The following PARN variants were observed in gnomAD, a reference collection of about 807,000 sequenced individuals.
PARN encodes the protein poly(A)-specific ribonuclease PARN.
PARN carries 71 observed loss-of-function variants against 102.8 expected under a neutral mutation model. The ratio of observed to expected loss-of-function variants is 0.69; its 90% confidence interval spans 0.57 to 0.84. The LOEUF (loss-of-function observed/expected upper bound fraction) is 0.84. PARN is among the 40% of genes least tolerant of loss of function. PARN has a pLI of 0.00. For missense variants in PARN, 782 were observed against 760.9 expected (o/e 1.03, Z -0.33); for synonymous variants, 261 against 252.9 (o/e 1.03, Z -0.30).
chr16:14,615,645 A>C (rs1971847019), intron 6 of PARN, among the ~76,000 whole-genome samples: 1 of 152,176 alleles, frequency 6.6e-6, no homozygotes, highest in Non-Finnish European at 1.5e-5. Context: ...TCATGCCTGT[A>C]ATCCCAGCAC....
chr16:14,519,991 G>C (rs990795864), intron 21 of PARN, among the ~76,000 whole-genome samples: 4 of 152,046 alleles, frequency 2.6e-5, no homozygotes, highest in Non-Finnish European at 5.9e-5. Context: ...CTTCCTGATG[G>C]AAGAACACAT....
Position 14,549,441 on chromosome 16 carries a change from G to C in PARN, c.1480+2580C>G, listed in dbSNP as rs151141939. ...TGCCCTCAGGAAACCAATGCAATGA[G>C]CAATCAGACAATAGAGTGCTTCTAT... On this transcript the variant is annotated intron_variant, in intron 21 of 23. Transcript: ENST00000437198. Among the ~76,000 whole-genome samples the C allele has an allele frequency of 1.1e-3, 165 of 152,280 alleles. 1 individual carries two copies. Among genetic ancestry groups the C allele is most frequent in the African/African-American group, 3.5e-3 (147 of 41,558 alleles).
intron 16 of PARN, among the ~76,000 whole-genome samples, chr16:14,584,080 T>C (rs960343019): frequency 1.3e-5 from 2 of 152,254 alleles, no homozygotes; most frequent in Admixed American, 6.5e-5. Context: ...GAGAATTCCA[T>C]ATTATTAGAA....
intron 11 of PARN, among the ~76,000 whole-genome samples, chr16:14,603,348 T>C (rs778512481): frequency 2.6e-5 from 4 of 152,162 alleles, no homozygotes; most frequent in East Asian, 1.9e-4. Context: ...AAGTGGGTCA[T>C]TGTGGTTAAG....
intron 22 of PARN, among the ~76,000 whole-genome samples, chr16:14,472,401 A>G (rs1378005938): frequency 6.6e-6 from 1 of 152,214 alleles, no homozygotes; most frequent in Non-Finnish European, 1.5e-5. Flanking sequence ...AGCTGAATTC[A>G]GAGGGAGGAA....
At chr16:14,519,406 AACAATAACCAACCCAGT>A (rs1965625948) in intron 21 of PARN, among the ~76,000 whole-genome samples, 1 of 151,670 alleles carries the variant, frequency 6.6e-6, no homozygotes, top group Admixed American at 6.6e-5. Context: ...AAAGCTCAGA[AACAATAACCAACCCAGT>A]ACAATGAGCA....
intron 22 of PARN, among the ~76,000 whole-genome samples, chr16:14,479,738 T>C (rs983355678): frequency 6.6e-6 from 1 of 151,968 alleles, no homozygotes; most frequent in Non-Finnish European, 1.5e-5. Context: ...TTGACAAAGG[T>C]AGTGAGTCAA....
intron 21 of PARN, among the ~76,000 whole-genome samples, chr16:14,516,547 A>C (rs564146537): frequency 6.6e-6 from 1 of 152,376 alleles, no homozygotes; most frequent in South Asian, 2.1e-4. Context: ...GAAGCATTTC[A>C]AGCCAAAATA....
chr16:14,449,193 T>G (rs554292632), intron 22 of PARN, among the ~76,000 whole-genome samples: 210 of 152,212 alleles, frequency 1.4e-3, no homozygotes, highest in South Asian at 9.8e-3. Flanking sequence ...AAATACTCTG[T>G]GAAATACAAA....
chr16:14,502,503 G>A (rs1376565160), intron 21 of PARN, among the ~76,000 whole-genome samples: 1 of 152,214 alleles, frequency 6.6e-6, no homozygotes, highest in African/African-American at 2.4e-5. Flanking sequence ...TATTCACAAG[G>A]AAGGGGCAGA....
chr16:14,532,789 C>A (rs1320587925), intron 21 of PARN, among the ~76,000 whole-genome samples: 1 of 150,048 alleles, frequency 6.7e-6, no homozygotes, highest in Non-Finnish European at 1.5e-5. Flanking sequence ...CTGGACGGGG[C>A]GGCTGGCCGG....
chr16:14,597,718 C>T (rs575728648), intron 12 of PARN, among the ~76,000 whole-genome samples: 1 of 152,046 alleles, frequency 6.6e-6, no homozygotes, highest in East Asian at 1.9e-4. Flanking sequence ...AAAAATTGAT[C>T]GACATCATGA....
intron 21 of PARN, among the ~76,000 whole-genome samples, chr16:14,492,192 A>C (rs1354632705): frequency 6.6e-6 from 1 of 152,248 alleles, no homozygotes; most frequent in Non-Finnish European, 1.5e-5. Context: ...AGGGCAGTGA[A>C]AGAGATCTGA....
rs369940356 is a variant in PARN, at chr16:14,482,072, C to CCTCCAT, written c.1670+560_1670+565dup. Among the ~76,000 whole-genome samples, 766 of 152,240 alleles carry CCTCCAT rather than the reference C, an allele frequency of 5.0e-3. 6 individuals carry two copies. Among genetic ancestry groups the CCTCCAT allele is most frequent in the African/African-American group, 0.018 (738 of 41,546 alleles). ...CAGAACTGGTGAACAAGACACAAAG[C>CCTCCAT]CTCCATCTCCTCAACCCTAAAATGG... On this transcript the variant is annotated intron_variant, in intron 22 of 23. Transcript: ENST00000437198.
At chr16:14,558,972 A>G (rs1166337812) in intron 18 of PARN, among the ~76,000 whole-genome samples, 1 of 152,140 alleles carries the variant, frequency 6.6e-6, no homozygotes, top group East Asian at 1.9e-4. Flanking sequence ...TGCCATCTGA[A>G]TTAATCTTTC....
intron 14 of PARN, 21 bp from the exon 15 acceptor site, chr16:14,584,812 G>A: frequency 7.0e-7 from 1 of 1,438,430 alleles, no homozygotes; most frequent in South Asian, 1.3e-5. Context: ...TTTTTAACAA[G>A]GTAAACAAAA....
chr16:14,489,182 C>G (rs1963913128), intron 21 of PARN, among the ~76,000 whole-genome samples: 1 of 152,026 alleles, frequency 6.6e-6, no homozygotes, highest in African/African-American at 2.4e-5. Context: ...ATAGCTGGTA[C>G]TGGAAGGGAA....
In PARN at chr16:14,436,492, C is replaced by T; in HGVS notation, c.*225G>A. On this transcript the variant is annotated 3_prime_UTR_variant, in exon 24 of 24. Transcript: ENST00000437198. ...TAAGCACGTACACATTCATGACAGC[C>T]TACAACCGTGATGAGTGTCAATGTC... 8.5e-6 allele frequency: 5 copies of T among 590,218 alleles called. No homozygotes were observed. In the Admixed American group the frequency reaches 9.0e-5, roughly 11 times the overall value. 36.6% of individuals were successfully genotyped at this position (590,218 alleles called of 1,614,324 possible).
chr16:14,498,659 G>A (rs1964439096), intron 21 of PARN, among the ~76,000 whole-genome samples: 1 of 152,154 alleles, frequency 6.6e-6, no homozygotes, highest in Non-Finnish European at 1.5e-5. Flanking sequence ...GGAGCCCTGT[G>A]CCTGTGCTTC....
Sources: gnomAD v4.1 joint callset for allele counts (sites outside exome capture counted in the v4.1 genomes callset) on GRCh38, gnomAD v4.1.1 for gene constraint, MANE v1.5 for transcripts, NCBI Gene and HGNC (gene_info 2026-07-23, HGNC 2026-07-21) for gene names.